Variants in CHRM3 observed in about 807,000 individuals in gnomAD.
CHRM3 encodes cholinergic receptor muscarinic 3.
CHRM3 carries 11 observed loss-of-function variants against 41.8 expected under a neutral mutation model. That is an observed-to-expected ratio of 0.26 (90% CI 0.17 to 0.44). The LOEUF (loss-of-function observed/expected upper bound fraction) is 0.44. Among genes scored for constraint, CHRM3 ranks in the 20% least tolerant of loss-of-function variants. The probability of loss-of-function intolerance (pLI) is 1.00; values close to 1 mark genes in which losing one functional copy is unlikely to be tolerated. For missense variants in CHRM3, 571 were observed against 745.4 expected (o/e 0.77, Z 2.72); for synonymous variants, 297 against 301.4 (o/e 0.99, Z 0.15).
rs547825960 is a variant in CHRM3 at position 239,461,788 on chromosome 1, G to A, written c.-520-30921G>A. Among the ~76,000 whole-genome samples the A allele has an allele frequency of 2.0e-5, 3 of 151,754 alleles. No homozygotes were observed. The East Asian group carries it at 5.8e-4, about 29-fold the overall frequency. On this transcript the variant is annotated intron_variant, in intron 1 of 6. Coordinates refer to ENST00000676153, the MANE Select transcript of CHRM3 (RefSeq NM_001375978.1). ...TCACCACCGAGGAACGTGGACATCAGGACGTCAGCATATTCCATCTCCTCC... is the reference window on the plus strand; with the variant it reads ...TCACCACCGAGGAACGTGGACATCAAGACGTCAGCATATTCCATCTCCTCC...
At chr1:239,549,241 A>G (rs1160402738) in intron 3 of CHRM3, among the ~76,000 whole-genome samples, 1 of 152,140 alleles carries the variant, frequency 6.6e-6, no homozygotes, top group African/African-American at 2.4e-5. Context: ...CAGCCAAACC[A>G]TATCACCTAC....
At chr1:239,697,104 G>A (rs563349813) in intron 5 of CHRM3, among the ~76,000 whole-genome samples, 7 of 152,140 alleles carry the variant, frequency 4.6e-5, no homozygotes, top group Non-Finnish European at 1.0e-4. Context: ...AAGTAAATAT[G>A]CAAGTAATAT....
chr1:239,807,840 A>ACACACATACACACACACACG (rs1223023272), intron 5 of CHRM3, among the ~76,000 whole-genome samples: 11 of 151,596 alleles, frequency 7.3e-5, no homozygotes, highest in African/African-American at 2.7e-4. Context: ...ACACACACAC[A>ACACACATACACACACACACG]CACACATACA....
At chr1:239,802,852 C>T (rs1223545926) in intron 5 of CHRM3, among the ~76,000 whole-genome samples, 1 of 152,184 alleles carries the variant, frequency 6.6e-6, no homozygotes, top group Non-Finnish European at 1.5e-5. Flanking sequence ...CTTGCTTCAG[C>T]CTCCCAAAGT....
intron 5 of CHRM3, among the ~76,000 whole-genome samples, chr1:239,801,875 C>T (rs1307870929): frequency 1.3e-5 from 2 of 151,990 alleles, no homozygotes; most frequent in Non-Finnish European, 1.5e-5. Flanking sequence ...CATATGATAC[C>T]ATTACTTTCA....
At chr1:239,777,545 A>G (rs1668189997) in intron 5 of CHRM3, among the ~76,000 whole-genome samples, 1 of 152,210 alleles carries the variant, frequency 6.6e-6, no homozygotes, top group Non-Finnish European at 1.5e-5. Context: ...CATCTAGGTA[A>G]ATAAACATTA....
In CHRM3 at chr1:239,632,245, C is replaced by A. The variant is rs200918714; in HGVS notation, c.-291C>A. 2 of 151,956 alleles carry A rather than the reference C, an allele frequency of 1.3e-5. No individual in the cohort carries two copies. The highest frequency in any genetic ancestry group is 2.9e-5 in the Non-Finnish European group (2 of 68,024). The allele number at this position is 151,956 out of a possible 1,614,324, so 9.4% of individuals were successfully genotyped here. A position where few individuals can be genotyped will look rare whatever the true frequency, so the allele number is the denominator to read the frequency against. ...CTAGCACTTGTGTTCTGATTAGTGGCCAAATAAATGACAGTCAGAACTTCA... is the reference window on the plus strand; with the variant it reads ...CTAGCACTTGTGTTCTGATTAGTGGACAAATAAATGACAGTCAGAACTTCA... On this transcript the variant is annotated 5_prime_UTR_variant, in exon 4 of 7. Transcript: ENST00000676153.
chr1:239,456,732 G>A (rs1456518109), intron 1 of CHRM3, among the ~76,000 whole-genome samples: 1 of 152,132 alleles, frequency 6.6e-6, no homozygotes, highest in African/African-American at 2.4e-5. Flanking sequence ...TTGGAACTGG[G>A]GCTGTGGAAG....
In CHRM3 at chr1:239,867,996, C is replaced by T. The variant is rs576895014; in HGVS notation, c.-19-39437C>T. The stretch of plus-strand genomic sequence containing the variant: ...CATTTGTCCTGTGTTTAGCCAGTCA[C>T]AGGCAAGCCAAGGAGGAGCATAAAA... On this transcript the variant is annotated intron_variant, in intron 6 of 6. Transcript: ENST00000676153. 5.3e-5 allele frequency among the ~76,000 whole-genome samples: 8 copies of T among 152,294 alleles called. No homozygotes were observed. In the South Asian group the frequency reaches 1.7e-3, roughly 32 times the overall value.
chr1:239,549,798 T>G (rs1226117472), intron 3 of CHRM3, among the ~76,000 whole-genome samples: 2 of 151,888 alleles, frequency 1.3e-5, no homozygotes, highest in African/African-American at 4.8e-5. Context: ...GGCCAGATCA[T>G]GGATCAGACA....
At chr1:239,708,334 G>A (rs891419016) in intron 5 of CHRM3, among the ~76,000 whole-genome samples, 3 of 152,100 alleles carry the variant, frequency 2.0e-5, no homozygotes, top group Admixed American at 2.0e-4. Context: ...GTCCAAGCTT[G>A]GATTAGCTCT....
At chr1:239,575,747 G>C (rs1343946536) in intron 3 of CHRM3, among the ~76,000 whole-genome samples, 3 of 151,458 alleles carry the variant, frequency 2.0e-5, no homozygotes, top group African/African-American at 7.3e-5. Context: ...ACTCCTACAG[G>C]TGTGTATATA....
intron 5 of CHRM3, among the ~76,000 whole-genome samples, chr1:239,817,864 T>C (rs1373226517): frequency 6.6e-6 from 1 of 152,196 alleles, no homozygotes; most frequent in Non-Finnish European, 1.5e-5. Context: ...CAGGTGCCAC[T>C]TACTAGCCAC....
chr1:239,908,266 G>A lies in CHRM3; in HGVS notation c.815G>A (p.Gly272Glu). 6.2e-7 allele frequency: 1 copy of A among 1,614,074 alleles called. No individual in the cohort carries two copies. Among genetic ancestry groups the A allele is most frequent in the Non-Finnish European group, 8.5e-7 (1 of 1,179,988 alleles). ...GAGCTTGCTGGCCTGCAAGCCTCTG[G>A]GACAGAGGCAGAGACAGAAAACTTT... ...TKELAGLQAS[G>E]TEAETENFVH... is the part of the protein sequence containing the mutation. The change falls in exon 7 of 7, where the codon GGG becomes GAG. Residue 272 changes from glycine (G) to glutamate (E), a missense_variant. Gly to Glu is a moderately conservative substitution (Grantham distance 98). Around this residue, in one of 5 missense-constraint regions of CHRM3, gnomAD observed 153 missense variants for 296.3 expected, o/e 0.52. Coordinates refer to ENST00000676153, the MANE Select transcript of CHRM3 (RefSeq NM_001375978.1). The surrounding 1 kb of genome is among the most constrained non-coding windows in gnomAD (Gnocchi z 7.2).
chr1:239,714,648 A>C (rs951928119), intron 5 of CHRM3, among the ~76,000 whole-genome samples: 2 of 152,178 alleles, frequency 1.3e-5, no homozygotes, highest in African/African-American at 4.8e-5. Flanking sequence ...AAGTAGCTGA[A>C]GAGGTAGGGA....
At chr1:239,585,954 T>G (rs1663354817) in intron 3 of CHRM3, among the ~76,000 whole-genome samples, 1 of 152,212 alleles carries the variant, frequency 6.6e-6, no homozygotes, top group Non-Finnish European at 1.5e-5. Flanking sequence ...GAGAATACTT[T>G]GCTCCAGTTG....
At chr1:239,555,625 A>G (rs10754673) in intron 3 of CHRM3, among the ~76,000 whole-genome samples, 126,956 of 152,154 alleles carry the variant, frequency 0.83, 54,932 homozygotes, top group Non-Finnish European at 0.93. Flanking sequence ...GTTACTACCC[A>G]TTTCCTAGGA....
At chr1:239,504,341 C>T (rs1668429054) in intron 2 of CHRM3, among the ~76,000 whole-genome samples, 1 of 152,032 alleles carries the variant, frequency 6.6e-6, no homozygotes, top group African/African-American at 2.4e-5. Flanking sequence ...GATCAAGGAA[C>T]TGAAAATCAA....
At chr1:239,470,930 G>T (rs1308360371) in intron 1 of CHRM3, among the ~76,000 whole-genome samples, 1 of 152,106 alleles carries the variant, frequency 6.6e-6, no homozygotes, top group Non-Finnish European at 1.5e-5. Context: ...TTCAGTTCAA[G>T]AATTATAAAG....
Sources: gnomAD v4.1 joint callset for allele counts (sites outside exome capture counted in the v4.1 genomes callset) on GRCh38, gnomAD v4.1.1 for gene constraint, gnomAD v4.1.1 regional missense constraint, Gnocchi (gnomAD v3.1) non-coding constraint, MANE v1.5 for transcripts, NCBI Gene and HGNC (gene_info 2026-07-23, HGNC 2026-07-21) for gene names.